BMPER: variants seen among roughly 807,000 people sequenced by gnomAD.
BMPER encodes the protein BMP-binding endothelial regulator protein.
Under a neutral mutation model 87.3 loss-of-function variants are expected in BMPER, and 45 were observed. The observed-to-expected ratio is 0.52, with a 90% CI of 0.41 to 0.66. BMPER has a LOEUF of 0.66. Ranked by LOEUF, BMPER falls within the 30% of genes least tolerant of loss-of-function variation. The pLI, the probability that BMPER is intolerant of heterozygous loss-of-function variation, is 0.00. For synonymous variants in BMPER, 326 were observed against 316.2 expected, an observed-to-expected ratio of 1.03 and a Z score of -0.33; for missense variants, 784 against 867.5, an observed-to-expected ratio of 0.90 and a Z score of 1.21.
intron 2 of BMPER, among the ~76,000 whole-genome samples, chr7:33,930,116 A>G (rs919710423): frequency 6.6e-6 from 1 of 152,182 alleles, no homozygotes; most frequent in Non-Finnish European, 1.5e-5. Context: ...GGGTGAAACC[A>G]CTTCTTTCAG....
chr7:34,000,329 T>C (rs1027330259), intron 6 of BMPER, among the ~76,000 whole-genome samples: 2 of 152,152 alleles, frequency 1.3e-5, no homozygotes, highest in Admixed American at 1.3e-4. Context: ...TAGATGAAGA[T>C]AGATGAAAGA....
At position 33,917,722 on chromosome 7, in the gene BMPER, G is replaced by A. The variant is rs554330083; in HGVS notation, c.219+10819G>A. On this transcript the variant is annotated intron_variant, in intron 2 of 14. Transcript: ENST00000649409. ...ATTGCATTTTAACTTATGAAAACACGCCTTTCCAAAACAACTCTTGTATGC... is the reference window on the plus strand; with the variant it reads ...ATTGCATTTTAACTTATGAAAACACACCTTTCCAAAACAACTCTTGTATGC... Among the ~76,000 whole-genome samples the A allele has an allele frequency of 2.6e-5, 4 of 152,268 alleles. No homozygotes were observed. The East Asian group carries it at 7.7e-4, about 29-fold the overall frequency.
intron 13 of BMPER, among the ~76,000 whole-genome samples, chr7:34,126,838 G>C (rs1317520354): frequency 6.6e-6 from 1 of 152,100 alleles, no homozygotes; most frequent in Admixed American, 6.5e-5. Flanking sequence ...CCTGGAAAGA[G>C]ATAAAAAGTA....
intron 13 of BMPER, among the ~76,000 whole-genome samples, chr7:34,106,859 C>A (rs1789833080): frequency 6.6e-6 from 1 of 152,184 alleles, no homozygotes; most frequent in African/African-American, 2.4e-5. Context: ...GTGCCTCAGG[C>A]CATTTTTTCT....
At chr7:34,151,038 A>G (rs886454477) in intron 14 of BMPER, among the ~76,000 whole-genome samples, 1 of 152,170 alleles carries the variant, frequency 6.6e-6, no homozygotes. Context: ...AGAATGGAAG[A>G]TGGGGTGAAT....
intron 6 of BMPER, among the ~76,000 whole-genome samples, chr7:34,039,639 C>CACACAT (rs1421703402): frequency 6.7e-6 from 1 of 150,018 alleles, no homozygotes; most frequent in East Asian, 1.9e-4. Flanking sequence ...CACACACACA[C>CACACAT]ACACTTATAC....
intron 13 of BMPER, among the ~76,000 whole-genome samples, chr7:34,100,699 GT>G (rs1789658045): frequency 6.6e-6 from 1 of 152,168 alleles, no homozygotes; most frequent in South Asian, 2.1e-4. Context: ...GGGATTCCAT[GT>G]TACTGGACTC....
At chr7:34,093,473 G>C (rs1031972939) in intron 13 of BMPER, among the ~76,000 whole-genome samples, 1 of 152,212 alleles carries the variant, frequency 6.6e-6, no homozygotes, top group African/African-American at 2.4e-5. Flanking sequence ...TTGTTAGACT[G>C]TCTAGTGACC....
intron 8 of BMPER, among the ~76,000 whole-genome samples, chr7:34,054,093 G>T (rs1344421585): frequency 6.6e-6 from 1 of 152,148 alleles, no homozygotes; most frequent in African/African-American, 2.4e-5. Context: ...TTACACCTTT[G>T]CTAGTTCTGT....
At chr7:34,088,478 G>A (rs1409496488) in intron 13 of BMPER, among the ~76,000 whole-genome samples, 3 of 152,174 alleles carry the variant, frequency 2.0e-5, no homozygotes, top group African/African-American at 7.2e-5. Flanking sequence ...TCTCAGTGGA[G>A]CTCCAGAAAG....
At chr7:33,942,923 G>A (rs547056883) in intron 3 of BMPER, among the ~76,000 whole-genome samples, 1 of 152,254 alleles carries the variant, frequency 6.6e-6, no homozygotes, top group East Asian at 1.9e-4. Flanking sequence ...CCAGTTATTC[G>A]ATTGTGTAAG....
At chr7:33,924,285 A>C (rs1386775645) in intron 2 of BMPER, among the ~76,000 whole-genome samples, 2 of 152,206 alleles carry the variant, frequency 1.3e-5, no homozygotes, top group Non-Finnish European at 2.9e-5. Flanking sequence ...ACTGCTCTTG[A>C]CTTTGGACAA....
intron 14 of BMPER, among the ~76,000 whole-genome samples, chr7:34,151,575 A>C (rs921257914): frequency 3.3e-5 from 5 of 152,172 alleles, no homozygotes; most frequent in African/African-American, 1.2e-4. Flanking sequence ...GGGATGTTTC[A>C]ATATAAGTGA....
chr7:34,058,369 C>G (rs548303090), intron 10 of BMPER, among the ~76,000 whole-genome samples: 1 of 152,140 alleles, frequency 6.6e-6, no homozygotes, highest in African/African-American at 2.4e-5. Flanking sequence ...TGCTCTTGTC[C>G]CAATTCTGAT....
At chr7:33,920,420 GTT>G (rs58577259) in intron 2 of BMPER, among the ~76,000 whole-genome samples, 2 of 86,398 alleles carry the variant, frequency 2.3e-5, no homozygotes, top group Non-Finnish European at 2.1e-5. Context: ...ACTCCGTTGT[GTT>G]TTTTTTTTTT....
chr7:34,032,921 G>A (rs185771585), intron 6 of BMPER, among the ~76,000 whole-genome samples: 1 of 152,144 alleles, frequency 6.6e-6, no homozygotes, highest in East Asian at 1.9e-4. Flanking sequence ...TGAGAAAGAG[G>A]GAACAAGAAT....
intron 13 of BMPER, among the ~76,000 whole-genome samples, chr7:34,108,911 T>G (rs1016173046): frequency 3.3e-5 from 5 of 152,206 alleles, no homozygotes; most frequent in African/African-American, 1.2e-4. Flanking sequence ...CTACAATATT[T>G]CTTGCAAGAG....
At chr7:34,047,921 T>A (rs1788032262) in intron 7 of BMPER, among the ~76,000 whole-genome samples, 1 of 151,486 alleles carries the variant, frequency 6.6e-6, no homozygotes, top group African/African-American at 2.4e-5. Context: ...CAGATTTCGC[T>A]GAGGGTTTGC....
intron 11 of BMPER, among the ~76,000 whole-genome samples, chr7:34,070,931 C>A (rs1336090710): frequency 6.7e-6 from 1 of 150,230 alleles, no homozygotes; most frequent in African/African-American, 2.4e-5. Context: ...ATTTAAACTT[C>A]TCAGGCTGGC....
Sources: allele counts gnomAD v4.1 joint callset (sites outside exome capture counted in the v4.1 genomes callset), GRCh38; gene constraint gnomAD v4.1.1; transcripts MANE v1.5; gene names NCBI Gene and HGNC (gene_info 2026-07-23, HGNC 2026-07-21).